Variants in ABI3BP observed in about 807,000 individuals in gnomAD.
ABI3BP encodes target of Nesh-SH3.
A neutral mutation model predicts 268.6 loss-of-function variants in ABI3BP; 216 were observed. The observed-to-expected ratio is 0.80, with a 90% CI of 0.72 to 0.90. ABI3BP has a LOEUF of 0.90. Ranked by LOEUF, ABI3BP falls within the 40% of genes least tolerant of loss-of-function variation. The pLI, the probability that ABI3BP is intolerant of heterozygous loss-of-function variation, is 0.00. For missense variants in ABI3BP, 2,090 were observed against 2,182.4 expected (o/e 0.96, Z 0.84); for synonymous variants, 730 against 730.0 (o/e 1.00, Z 0.00).
chr3:100,982,410 T>C (rs919701546), intron 1 of ABI3BP, among the ~76,000 whole-genome samples: 2 of 152,072 alleles, frequency 1.3e-5, no homozygotes, highest in African/African-American at 4.8e-5. Flanking sequence ...TAATGAAAGC[T>C]AAAGAGGACT....
chr3:100,817,991 A>C (rs1350424388), intron 41 of ABI3BP, among the ~76,000 whole-genome samples: 1 of 152,208 alleles, frequency 6.6e-6, no homozygotes, highest in African/African-American at 2.4e-5. Context: ...AAAGTTAAGA[A>C]ACTGTTAAAT....
At chr3:100,979,716 T>A (rs900498735) in intron 1 of ABI3BP, among the ~76,000 whole-genome samples, 2 of 152,200 alleles carry the variant, frequency 1.3e-5, no homozygotes, top group African/African-American at 4.8e-5. Context: ...TGTCTTAATT[T>A]TCCGGCATAA....
At chr3:100,966,792 T>C (rs2081460380) in intron 1 of ABI3BP, among the ~76,000 whole-genome samples, 1 of 152,206 alleles carries the variant, frequency 6.6e-6, no homozygotes, top group African/African-American at 2.4e-5. Context: ...GATGTCAGGA[T>C]TGATGGCTGT....
Position 100,902,651 on chromosome 3 carries a change from C to G in ABI3BP, c.295G>C (p.Ala99Pro), listed in dbSNP as rs1268229335. 6.2e-7 allele frequency: 1 copy of G among 1,613,896 alleles called. No individual in the cohort carries two copies. Among genetic ancestry groups the G allele is most frequent in the Admixed American group, 1.7e-5 (1 of 60,022 alleles). Reference protein sequence around the residue: ...EPKYLIVVRPAPPPSQKKSCS... With the variant: ...EPKYLIVVRPPPPPSQKKSCS... ...GACTTCTTTTGACTTGGAGGTGGAG[C>G]AGGTCGCACAACTATCAGATATTTC... The change falls in exon 3 of 68, where the codon GCT becomes CCT. Residue 99 changes from alanine to proline, a missense_variant. By Grantham distance (27) the Ala-to-Pro change is conservative. Transcript: ENST00000471714.
At chr3:100,975,377 G>T (rs2085622470) in intron 1 of ABI3BP, among the ~76,000 whole-genome samples, 1 of 152,030 alleles carries the variant, frequency 6.6e-6, no homozygotes, top group African/African-American at 2.4e-5. Context: ...ACTTTAGAAG[G>T]GAGCCCCAGC....
chr3:100,828,474 A>G, intron 33 of ABI3BP, 22 bp from the exon 34 acceptor site: 2 of 1,519,532 alleles, frequency 1.3e-6, no homozygotes, highest in Admixed American at 2.0e-5. Context: ...TAATAAAAAT[A>G]AAACACCAAC....
rs539724632 is a variant in ABI3BP, at chr3:100,906,187, C to T, written c.260-3501G>A. On this transcript the variant is annotated intron_variant, in intron 2 of 67. Transcript: ENST00000471714. Reference sequence around the variant, plus strand: ...GCCTAGAGGTTTTTAAAGAAAGACCCGAAACACTAGAAAAATAACATATAC... The same window carrying T: ...GCCTAGAGGTTTTTAAAGAAAGACCTGAAACACTAGAAAAATAACATATAC... Among the ~76,000 whole-genome samples, 11 of 152,090 alleles carry T rather than the reference C, an allele frequency of 7.2e-5. No homozygotes were observed. The South Asian group carries it at 1.7e-3, about 23-fold the overall frequency.
chr3:100,816,469 C>G, intron 43 of ABI3BP: 1 of 624,412 alleles, frequency 1.6e-6, no homozygotes, highest in South Asian at 1.8e-5. Context: ...GTCATCCAAA[C>G]CAAGTCATTT....
At chr3:100,790,163 C>G (rs1177316701) in intron 55 of ABI3BP, among the ~76,000 whole-genome samples, 1 of 151,926 alleles carries the variant, frequency 6.6e-6, no homozygotes, top group Non-Finnish European at 1.5e-5. Flanking sequence ...TATCCAGGAC[C>G]TGCACAGAAA....
chr3:100,814,973 T>C (rs1278962344), intron 44 of ABI3BP, among the ~76,000 whole-genome samples: 2 of 152,130 alleles, frequency 1.3e-5, no homozygotes, highest in Non-Finnish European at 2.9e-5. Context: ...ACAGAAATGA[T>C]ATTCAAGCTT....
intron 1 of ABI3BP, among the ~76,000 whole-genome samples, chr3:100,980,231 T>C (rs2088632756): frequency 6.6e-6 from 1 of 152,190 alleles, no homozygotes; most frequent in African/African-American, 2.4e-5. Context: ...CTTTCATCTA[T>C]TTCTTTTTTC....
At chr3:100,800,770 C>T (rs1034718228) in intron 51 of ABI3BP, among the ~76,000 whole-genome samples, 11 of 152,214 alleles carry the variant, frequency 7.2e-5, no homozygotes, top group African/African-American at 9.7e-5. Flanking sequence ...TGAGCCACCA[C>T]GCCCAGCCTG....
At chr3:100,825,747 G>A (rs773263653) in intron 35 of ABI3BP, 38 bp downstream of exon 35, 5 of 1,479,562 alleles carry the variant, frequency 3.4e-6, no homozygotes, top group South Asian at 2.4e-5. Context: ...AGCAGCAAAA[G>A]CACTTGGCAA....
rs984615376 is a variant in ABI3BP, at chr3:100,825,827, C to G, written c.2620G>C (p.Glu874Gln). Residue 874 changes from glutamate (E) to glutamine (Q), a missense_variant, in exon 35 of 68, where the codon GAG becomes CAG. Transcript: ENST00000471714. ...GTTFVPVTDL[E>Q]PVTFRTEIPA... Reference sequence around the variant, plus strand: ...ATCTCAGTTCTAAAAGTAACAGGCTCGAGGTCTGTAACAGGAACTGAAGTA... The same window carrying G: ...ATCTCAGTTCTAAAAGTAACAGGCTGGAGGTCTGTAACAGGAACTGAAGTA... 2.5e-5 allele frequency: 38 copies of G among 1,535,062 alleles called. No homozygotes were observed. The highest frequency in any genetic ancestry group is 6.9e-5 in the African/African-American group (5 of 72,946).
intron 2 of ABI3BP, among the ~76,000 whole-genome samples, chr3:100,922,523 C>CGATGGTGATGGTGATGGT (rs74793509): frequency 1.9e-3 from 287 of 148,708 alleles, no homozygotes; most frequent in Middle Eastern, 0.01. Flanking sequence ...TGATGTGATG[C>CGATGGTGATGGTGATGGT]GATGGTGATG....
At chr3:100,874,795 A>T in intron 9 of ABI3BP, 46 bp downstream of exon 9, 1 of 1,121,044 alleles carries the variant, frequency 8.9e-7, no homozygotes, top group Non-Finnish European at 1.3e-6. Context: ...TATCAGTGCT[A>T]GTACTCAGTT....
At chr3:100,783,488 A>G (rs2096929933) in intron 57 of ABI3BP, among the ~76,000 whole-genome samples, 1 of 152,230 alleles carries the variant, frequency 6.6e-6, no homozygotes, top group African/African-American at 2.4e-5. Flanking sequence ...AAATAGCTGC[A>G]CAACTTCCCT....
chr3:100,892,188 T>C (rs4928094), intron 4 of ABI3BP, among the ~76,000 whole-genome samples: 118,889 of 152,096 alleles, frequency 0.78, 47,096 homozygotes, highest in Non-Finnish European at 0.85. Flanking sequence ...TAAAGTTGAG[T>C]AGTAATGAAG....
chr3:100,926,057 C>T (rs1233243057), intron 2 of ABI3BP, among the ~76,000 whole-genome samples: 1 of 151,908 alleles, frequency 6.6e-6, no homozygotes, highest in Non-Finnish European at 1.5e-5. Context: ...TGTTTTTGTC[C>T]TTATGAATTC....
Sources: gnomAD v4.1 joint callset for allele counts (sites outside exome capture counted in the v4.1 genomes callset) on GRCh38, gnomAD v4.1.1 for gene constraint, MANE v1.5 for transcripts, NCBI Gene and HGNC (gene_info 2026-07-23, HGNC 2026-07-21) for gene names.